The following CORO2A variants were observed in gnomAD, a reference collection of about 807,000 sequenced individuals.
CORO2A encodes coronin 2A.
CORO2A carries 47 observed loss-of-function variants against 62.4 expected under a neutral mutation model. The ratio of observed to expected loss-of-function variants is 0.75; its 90% CI spans 0.60 to 0.96. The LOEUF (loss-of-function observed/expected upper bound fraction) is 0.96. Ranked by LOEUF, CORO2A falls within the 40% of genes least tolerant of loss-of-function variation. The pLI is 0.00. For missense variants in CORO2A, 610 were observed against 684.1 expected (o/e 0.89, Z 1.21); for synonymous variants, 273 against 268.9 (o/e 1.02, Z -0.15).
intron 11 of CORO2A, among the ~76,000 whole-genome samples, chr9:98,126,251 G>T (rs1827316947): frequency 6.7e-6 from 1 of 150,066 alleles, no homozygotes; most frequent in South Asian, 2.1e-4. Context: ...GGCCATGCTG[G>T]TCTTGAACTC....
chr9:98,168,571 C>A (rs1438353840), intron 1 of CORO2A, among the ~76,000 whole-genome samples: 3 of 152,280 alleles, frequency 2.0e-5, no homozygotes, highest in African/African-American at 7.2e-5. Flanking sequence ...AGTCACAGGT[C>A]CACACTCTCT....
intron 1 of CORO2A, among the ~76,000 whole-genome samples, chr9:98,170,898 G>A (rs1452300910): frequency 6.6e-6 from 1 of 152,204 alleles, no homozygotes; most frequent in Non-Finnish European, 1.5e-5. Flanking sequence ...GCACACACCA[G>A]ACACACACAG....
In CORO2A at chr9:98,131,004, A is replaced by G. The variant is rs1395835559; in HGVS notation, c.821T>C (p.Leu274Pro). The G allele has an allele frequency of 1.9e-6, 3 of 1,613,978 alleles. No individual in the cohort carries two copies. Among genetic ancestry groups the G allele is most frequent in the South Asian group, 1.1e-5 (1 of 91,058 alleles). ...GGTGTCCGCGTCATAGAAGGGAAAC[A>G]GCACGCCCGAGGAGCCGTCCAGGTC... ...EEDLDGSSGV[L>P]FPFYDADTSM... Residue 274 changes from leucine (L) to proline (P), a missense_variant, in exon 7 of 12, where the codon CTG becomes CCG. Coordinates refer to ENST00000375077, the MANE Select transcript of CORO2A (RefSeq NM_052820.4).
chr9:98,157,776 A>G, intron 1 of CORO2A, 116 bp from the exon 2 acceptor site: 1 of 914,794 alleles, frequency 1.1e-6, no homozygotes, highest in Non-Finnish European at 1.7e-6. Context: ...GGTCAGTTCA[A>G]CGTGGACGGT....
intron 1 of CORO2A, among the ~76,000 whole-genome samples, chr9:98,182,357 G>C (rs961304939): frequency 5.9e-5 from 9 of 152,164 alleles, no homozygotes; most frequent in African/African-American, 2.2e-4. Flanking sequence ...AGGCCACACA[G>C]GCCGAGCCAC....
intron 1 of CORO2A, among the ~76,000 whole-genome samples, chr9:98,187,391 G>A (rs180902314): frequency 1.5e-4 from 22 of 151,294 alleles, no homozygotes; most frequent in African/African-American, 4.1e-4. Context: ...CCCGGGAGAC[G>A]GTGGCTGCAG....
intron 1 of CORO2A, among the ~76,000 whole-genome samples, chr9:98,191,098 C>A (rs1272287487): frequency 1.3e-5 from 2 of 152,196 alleles, no homozygotes; most frequent in African/African-American, 4.8e-5. Context: ...CAGGGCAGGT[C>A]ATGAAGGGGA....
chr9:98,162,500 T>C (rs1294599263), intron 1 of CORO2A, among the ~76,000 whole-genome samples: 1 of 152,232 alleles, frequency 6.6e-6, no homozygotes, highest in Non-Finnish European at 1.5e-5. Flanking sequence ...GCTAAGATTC[T>C]TCCAGACCTG....
chr9:98,126,991 G>T, intron 10 of CORO2A, 168 bp from the exon 11 acceptor site: 1 of 714,196 alleles, frequency 1.4e-6, no homozygotes, highest in Non-Finnish European at 2.3e-6. Flanking sequence ...CACAGAGCAG[G>T]GCTAACAGAT....
At chr9:98,148,084 T>TA (rs59012123) in intron 2 of CORO2A, among the ~76,000 whole-genome samples, 31 of 136,654 alleles carry the variant, frequency 2.3e-4, no homozygotes, top group South Asian at 7.1e-4. Flanking sequence ...TCGCCTCTAT[T>TA]AAAAAAAAAA....
intron 2 of CORO2A, among the ~76,000 whole-genome samples, chr9:98,146,776 GT>G (rs1827648986): frequency 6.6e-6 from 1 of 152,208 alleles, no homozygotes; most frequent in African/African-American, 2.4e-5. Flanking sequence ...CCTCTGGGAA[GT>G]CATCTTCCTG....
chr9:98,151,940 C>A (rs1411146994), intron 2 of CORO2A, among the ~76,000 whole-genome samples: 1 of 151,006 alleles, frequency 6.6e-6, no homozygotes, highest in Non-Finnish European at 1.5e-5. Flanking sequence ...CCTCAGCCTC[C>A]CATGTAGCTG....
At chr9:98,174,334 C>T (rs952510783) in intron 1 of CORO2A, among the ~76,000 whole-genome samples, 1 of 152,206 alleles carries the variant, frequency 6.6e-6, no homozygotes, top group African/African-American at 2.4e-5. Context: ...TAAAGTGCCT[C>T]AGAGCAGTGC....
chr9:98,148,408 A>T (rs992753931), intron 2 of CORO2A, among the ~76,000 whole-genome samples: 20 of 149,736 alleles, frequency 1.3e-4, no homozygotes, highest in East Asian at 9.8e-4. Context: ...AAAAAAAAAA[A>T]AATAAGATAA....
At chr9:98,130,702 CT>C (rs2081222371) in intron 7 of CORO2A, among the ~76,000 whole-genome samples, 1 of 152,194 alleles carries the variant, frequency 6.6e-6, no homozygotes, top group Non-Finnish European at 1.5e-5. Context: ...GCAGGTGCCC[CT>C]GCTGAGAAAC....
In CORO2A at chr9:98,192,617, C is replaced by A. The variant is rs1466887396; in HGVS notation, c.-59G>T. 1 of 150,188 alleles carries A rather than the reference C, an allele frequency of 6.7e-6. No individual in the cohort carries two copies. Among genetic ancestry groups the A allele is most frequent in the African/African-American group, 2.4e-5 (1 of 41,226 alleles). 9.3% of individuals were successfully genotyped at this position (150,188 alleles called of 1,614,324 possible). On this transcript the variant is annotated 5_prime_UTR_variant, in exon 1 of 12. Coordinates refer to ENST00000375077, the MANE Select transcript of CORO2A (RefSeq NM_052820.4). ...GGCGGCGTCCAGCTCCGGCTCCGCGCTCCTCGCCGCCCGCCGACTCCCGGC... is the reference window on the plus strand; with the variant it reads ...GGCGGCGTCCAGCTCCGGCTCCGCGATCCTCGCCGCCCGCCGACTCCCGGC...
At chr9:98,145,700 T>C (rs1057170005) in intron 2 of CORO2A, among the ~76,000 whole-genome samples, 1 of 151,766 alleles carries the variant, frequency 6.6e-6, no homozygotes, top group Non-Finnish European at 1.5e-5. Context: ...AAGGGTCAGG[T>C]TGGCCTTGGT....
chr9:98,177,217 G>A (rs1239918152), intron 1 of CORO2A, among the ~76,000 whole-genome samples: 1 of 152,174 alleles, frequency 6.6e-6, no homozygotes, highest in Non-Finnish European at 1.5e-5. Flanking sequence ...CCCCCACGAT[G>A]TGAGGGGAAA....
intron 1 of CORO2A, among the ~76,000 whole-genome samples, chr9:98,161,765 G>C (rs1200071840): frequency 6.6e-6 from 1 of 152,138 alleles, no homozygotes; most frequent in Non-Finnish European, 1.5e-5. Flanking sequence ...ACCAAATGTG[G>C]TGCCTGAGTG....
Sources: gnomAD v4.1 joint callset for allele counts (sites outside exome capture counted in the v4.1 genomes callset) on GRCh38, gnomAD v4.1.1 for gene constraint, MANE v1.5 for transcripts, NCBI Gene and HGNC (gene_info 2026-07-23, HGNC 2026-07-21) for gene names.